The following PDE4C variants were observed in gnomAD, a reference collection of about 807,000 sequenced individuals.
PDE4C encodes the protein 3',5'-cyclic-AMP phosphodiesterase 4C.
Under a neutral mutation model 63.9 loss-of-function variants are expected in PDE4C, and 50 were observed. The ratio of observed to expected loss-of-function variants is 0.78; its 90% CI spans 0.62 to 0.99. The LOEUF is 0.99. Among genes scored for constraint, PDE4C ranks in the 50% least tolerant of loss-of-function variants. The pLI is 0.00. For missense variants in PDE4C, 777 were observed against 899.1 expected (o/e 0.86, Z 1.74); for synonymous variants, 377 against 385.1 (o/e 0.98, Z 0.25).
At chr19:18,241,344 G>A (rs1168438741) in intron 1 of PDE4C, among the ~76,000 whole-genome samples, 4 of 127,532 alleles carry the variant, frequency 3.1e-5, no homozygotes, top group African/African-American at 8.9e-5. Context: ...TCGGCTCACT[G>A]CAAGCTCCGC....
intron 1 of PDE4C, among the ~76,000 whole-genome samples, chr19:18,246,253 G>A (rs1325794947): frequency 8.0e-5 from 12 of 149,250 alleles, no homozygotes; most frequent in African/African-American, 2.5e-4. Flanking sequence ...GCATGATCAC[G>A]GTTCACTGCA....
chr19:18,238,605 A>G (rs2148063005), upstream of PDE4C, among the ~76,000 whole-genome samples: 1 of 152,284 alleles, frequency 6.6e-6, no homozygotes, highest in South Asian at 2.1e-4. Flanking sequence ...ATTATATGCT[A>G]TATAATGCTA....
chr19:18,225,167 A>G (rs7251661), intron 1 of PDE4C, among the ~76,000 whole-genome samples: 85,541 of 151,882 alleles, frequency 0.56, 24,949 homozygotes, highest in Non-Finnish European at 0.63. Context: ...GCGGGGGTAG[A>G]GCCCCCCGGC....
chr19:18,243,807 G>C (rs540610045), intron 1 of PDE4C, among the ~76,000 whole-genome samples: 1 of 152,202 alleles, frequency 6.6e-6, no homozygotes, highest in South Asian at 2.1e-4. Context: ...GTATAGTGGG[G>C]TGTCCTCTGG....
chr19:18,227,770 G>A (rs1005901517), upstream of PDE4C, among the ~76,000 whole-genome samples: 2 of 152,118 alleles, frequency 1.3e-5, no homozygotes, highest in Admixed American at 6.6e-5. Context: ...CCTTCCCCCC[G>A]GGGCGGCTGC....
upstream of PDE4C, among the ~76,000 whole-genome samples, chr19:18,230,237 G>A (rs1385658006): frequency 6.6e-6 from 1 of 152,210 alleles, no homozygotes; most frequent in Non-Finnish European, 1.5e-5. Flanking sequence ...TGGGTGTGGT[G>A]GCTCATGCCT....
chr19:18,218,109 T>C, intron 11 of PDE4C, 40 bp downstream of exon 11: 1 of 1,464,890 alleles, frequency 6.8e-7, no homozygotes, highest in Non-Finnish European at 9.6e-7. Context: ...GGAGGCAGGG[T>C]CCACCTCTTC....
At chr19:18,233,637 C>A in exon 1 of PDE4C, 1 of 406,304 alleles carries the variant, frequency 2.5e-6, no homozygotes. Flanking sequence ...AGACGGTGTC[C>A]CTCGCACCGT....
upstream of PDE4C, among the ~76,000 whole-genome samples, chr19:18,251,285 C>G (rs1969226238): frequency 6.7e-6 from 1 of 150,140 alleles, no homozygotes; most frequent in African/African-American, 2.5e-5. Flanking sequence ...GCCACCATGC[C>G]TGGCTATTTT....
intron 12 of PDE4C, among the ~76,000 whole-genome samples, chr19:18,214,198 C>T (rs2148007965): frequency 6.6e-6 from 1 of 150,812 alleles, no homozygotes; most frequent in East Asian, 2.0e-4. Context: ...GCGGAGCTTG[C>T]AGGGAGCCGA....
chr19:18,220,857 A>C lies in PDE4C; in HGVS notation c.499+17T>G. The C allele has an allele frequency of 6.2e-7, 1 of 1,605,494 alleles. No individual in the cohort carries two copies. Among genetic ancestry groups the C allele is most frequent in the Middle Eastern group, 1.7e-4 (1 of 6,038 alleles). ...CCAGCTGTCCTCAGCGGGGGAGGGA[A>C]GGAACAGGTACTTTACCTGCAGGAG... On this transcript the variant is annotated intron_variant, in intron 5 of 14. Coordinates refer to ENST00000262805, the Ensembl canonical transcript of PDE4C. The surrounding 1 kb of genome is among the most constrained non-coding windows in gnomAD (Gnocchi z 5.1).
At chr19:18,211,154 G>T (rs375627638) in exon 15 of PDE4C, 367 of 1,614,028 alleles carry the variant, frequency 2.3e-4, no homozygotes, top group Non-Finnish European at 2.9e-4. Context: ...GACTTCGGGG[G>T]ATCTTGCTCT....
chr19:18,213,521 C>G, intron 12 of PDE4C, 31 bp from the exon 13 acceptor site: 1 of 1,598,076 alleles, frequency 6.3e-7, no homozygotes. Flanking sequence ...GTGACAGGCG[C>G]GAGGACCCTG....
At chr19:18,213,052 G>A (rs1000916799) in intron 13 of PDE4C, among the ~76,000 whole-genome samples, 1 of 149,124 alleles carries the variant, frequency 6.7e-6, no homozygotes, top group African/African-American at 2.4e-5. Flanking sequence ...CCAGCACTTT[G>A]GGAGGCCGAG....
intron 12 of PDE4C, among the ~76,000 whole-genome samples, 170 bp from the exon 13 acceptor site, chr19:18,213,660 G>A (rs1302982827): frequency 6.6e-6 from 1 of 152,246 alleles, no homozygotes; most frequent in Non-Finnish European, 1.5e-5. Flanking sequence ...GCTCAAAAGA[G>A]GGGCTCAGTC....
exon 15 of PDE4C, chr19:18,210,691 A>G: frequency 2.2e-6 from 1 of 458,754 alleles, no homozygotes. Context: ...ACACCAGGGC[A>G]TCGTAAGAGG....
upstream of PDE4C, among the ~76,000 whole-genome samples, chr19:18,238,603 C>T (rs2148063001): frequency 6.6e-6 from 1 of 151,942 alleles, no homozygotes; most frequent in South Asian, 2.1e-4. Flanking sequence ...ATATTATATG[C>T]TATATAATGC....
At chr19:18,238,708 T>C (rs952053708) in intron 1 of PDE4C, among the ~76,000 whole-genome samples, 2 of 152,012 alleles carry the variant, frequency 1.3e-5, no homozygotes, top group Non-Finnish European at 2.9e-5. Flanking sequence ...AATATAAAAG[T>C]AGGGCCCAGC....
intron 11 of PDE4C, among the ~76,000 whole-genome samples, chr19:18,217,722 C>T (rs1600070381): frequency 6.6e-6 from 1 of 151,984 alleles, no homozygotes; most frequent in Non-Finnish European, 1.5e-5. Context: ...CAGAGCGAAA[C>T]CCTGTCTCTA....
Sources: allele counts gnomAD v4.1 joint callset (sites outside exome capture counted in the v4.1 genomes callset), GRCh38; gene constraint gnomAD v4.1.1; non-coding constraint Gnocchi (gnomAD v3.1); transcripts MANE v1.5; gene names NCBI Gene and HGNC (gene_info 2026-07-23, HGNC 2026-07-21).